BRIP1: variants seen among roughly 807,000 people sequenced by gnomAD.
BRIP1 encodes BRCA1 interacting DNA helicase 1.
BRIP1 carries 88 observed loss-of-function variants against 119.7 expected under a neutral mutation model. The ratio of observed to expected loss-of-function variants is 0.74; its 90% CI spans 0.62 to 0.88. The LOEUF (loss-of-function observed/expected upper bound fraction) is 0.88, where lower values mean the gene tolerates loss of function less well. Ranked by LOEUF, BRIP1 falls within the 40% of genes least tolerant of loss-of-function variation. BRIP1 has a pLI of 0.00. For synonymous variants in BRIP1, 443 were observed against 496.5 expected, an observed-to-expected ratio of 0.89 and a Z score of 1.43; for missense variants, 1,259 against 1,455.4, an observed-to-expected ratio of 0.87 and a Z score of 2.20.
At chr17:61,750,846 C>A (rs540072929) in intron 14 of BRIP1, among the ~76,000 whole-genome samples, 19 of 152,228 alleles carry the variant, frequency 1.2e-4, no homozygotes, top group Admixed American at 5.9e-4. Flanking sequence ...GTTGCAAGGA[C>A]ACGCAGAAAC....
At chr17:61,854,392 T>A (rs2145805435) in intron 4 of BRIP1, among the ~76,000 whole-genome samples, 1 of 152,144 alleles carries the variant, frequency 6.6e-6, no homozygotes, top group East Asian at 1.9e-4. Flanking sequence ...TATGACCACT[T>A]CATGAAACAG....
rs911825119 is a variant in BRIP1, at chr17:61,770,010, A to G, written c.2097+6391T>C. On this transcript the variant is annotated intron_variant, in intron 14 of 19. Transcript: ENST00000259008. The surrounding 1 kb of genome is among the most constrained non-coding windows in gnomAD (Gnocchi z 4.7). ...CCTACTGTTTCGGGCAGGAGGAGGG[A>G]AAAAAACAACCATTTTGAAATACGT... Among the ~76,000 whole-genome samples, 1 of 152,148 alleles carries G rather than the reference A, an allele frequency of 6.6e-6. No homozygotes were observed. The highest frequency in any genetic ancestry group is 1.5e-5 in the Non-Finnish European group (1 of 68,024).
chr17:61,839,089 G>A (rs1217947484), intron 6 of BRIP1, among the ~76,000 whole-genome samples: 1 of 151,908 alleles, frequency 6.6e-6, no homozygotes, highest in Non-Finnish European at 1.5e-5. Context: ...ACTCCCCTAT[G>A]ACACCCAAAA....
In BRIP1 at chr17:61,842,641, G is replaced by A. The variant is rs1032415189; in HGVS notation, c.627+4460C>T. ...TACAAATATGTAATATTATTAGTCG[G>A]TATTATATAGAATCTTTTATCAGCA... On this transcript the variant is annotated intron_variant, in intron 6 of 19. Coordinates refer to ENST00000259008, the MANE Select transcript of BRIP1 (RefSeq NM_032043.3). The surrounding 1 kb of genome is among the most constrained non-coding windows in gnomAD (Gnocchi z 5.1). 6.6e-6 allele frequency among the ~76,000 whole-genome samples: 1 copy of A among 152,066 alleles called. No homozygotes were observed. The highest frequency in any genetic ancestry group is 1.5e-5 in the Non-Finnish European group (1 of 68,026).
In BRIP1 at chr17:61,770,328, G is replaced by A. The variant is rs190751281; in HGVS notation, c.2097+6073C>T. ...CAGAGGATTACAACAGAGAGAGACA[G>A]CTGCAAGGCTCAGATTCTATTTAAG... On this transcript the variant is annotated intron_variant, in intron 14 of 19. Transcript: ENST00000259008. The surrounding 1 kb of genome is among the most constrained non-coding windows in gnomAD (Gnocchi z 4.7). 9.8e-4 allele frequency among the ~76,000 whole-genome samples: 149 copies of A among 152,296 alleles called. No homozygotes were observed. Among genetic ancestry groups the A allele is most frequent in the Non-Finnish European group, 1.6e-3 (108 of 68,028 alleles).
At position 61,808,825 on chromosome 17, in the gene BRIP1, T is replaced by C. The variant is rs2145425849; in HGVS notation, c.628-68A>G. 19 of 1,467,440 alleles carry C rather than the reference T, an allele frequency of 1.3e-5. No individual in the cohort carries two copies. Among genetic ancestry groups the C allele is most frequent in the Non-Finnish European group, 1.8e-5 (19 of 1,062,392 alleles). The allele number at this position is 1,467,440 out of a possible 1,614,324, so 90.9% of individuals were successfully genotyped here. A position where few individuals can be genotyped will look rare whatever the true frequency, so the allele number is the denominator to read the frequency against. On this transcript the variant is annotated intron_variant, in intron 6 of 19. Coordinates refer to ENST00000259008, the MANE Select transcript of BRIP1 (RefSeq NM_032043.3). This position sits in a 1 kb window ranked among gnomAD's most constrained non-coding sequence, Gnocchi z 4.1. ...ATAAAAAACGTTATCAAACCTCACA[T>C]GGAATCAGAACCTGTAAGTAATGAA...
At chr17:61,821,894 A>G (rs1448995256) in intron 6 of BRIP1, among the ~76,000 whole-genome samples, 1 of 152,084 alleles carries the variant, frequency 6.6e-6, no homozygotes, top group African/African-American at 2.4e-5. Context: ...TCAGGCCACC[A>G]TTTCATTCTC....
Position 61,796,703 on chromosome 17 carries a change from T to C in BRIP1, c.1340+2397A>G, listed in dbSNP as rs1030406266. On this transcript the variant is annotated intron_variant, in intron 9 of 19. Transcript: ENST00000259008. This position sits in a 1 kb window ranked among gnomAD's most constrained non-coding sequence, Gnocchi z 4.8. ...TAAAAGACAGACTATCTATTTTACATGTTTAAAAAATGATTCTAGCTACCA... is the reference window on the plus strand; with the variant it reads ...TAAAAGACAGACTATCTATTTTACACGTTTAAAAAATGATTCTAGCTACCA... Among the ~76,000 whole-genome samples the C allele has an allele frequency of 1.3e-5, 2 of 151,418 alleles. No homozygotes were observed. The highest frequency in any genetic ancestry group is 1.3e-4 in the Admixed American group (2 of 15,128).
Position 61,759,522 on chromosome 17 carries a change from CA to C in BRIP1, c.2098-14932del, listed in dbSNP as rs2077247077. On this transcript the variant is annotated intron_variant, in intron 14 of 19. Coordinates refer to ENST00000259008, the MANE Select transcript of BRIP1 (RefSeq NM_032043.3). The surrounding 1 kb of genome is among the most constrained non-coding windows in gnomAD (Gnocchi z 4.9). ...TTCAACAATGAACAAATCATCCAGACAGAAAATATATTTAAAAACATTGGAC... is the reference window on the plus strand; with the variant it reads ...TTCAACAATGAACAAATCATCCAGACGAAAATATATTTAAAAACATTGGAC... 6.6e-6 allele frequency among the ~76,000 whole-genome samples: 1 copy of C among 151,974 alleles called. No homozygotes were observed. Among genetic ancestry groups the C allele is most frequent in the South Asian group, 2.1e-4 (1 of 4,824 alleles).
chr17:61,774,671 C>T lies in BRIP1; in HGVS notation c.2097+1730G>A, dbSNP rs1043639977. ...CAAAAACCTGCAGAACAATTAATTT[C>T]GCAATCAAAGAAATAAACTCAATTG... is the stretch of plus-strand genomic sequence containing the variant. On this transcript the variant is annotated intron_variant, in intron 14 of 19. Coordinates refer to ENST00000259008, the MANE Select transcript of BRIP1 (RefSeq NM_032043.3). This position sits in a 1 kb window ranked among gnomAD's most constrained non-coding sequence, Gnocchi z 5.8. Among the ~76,000 whole-genome samples the T allele has an allele frequency of 1.3e-5, 2 of 152,066 alleles. No individual in the cohort carries two copies. Among genetic ancestry groups the T allele is most frequent in the Admixed American group, 1.3e-4 (2 of 15,270 alleles).
At position 61,695,987 on chromosome 17, in the gene BRIP1, A is replaced by G. The variant is rs960412868; in HGVS notation, c.2493-2475T>C. 2.0e-5 allele frequency among the ~76,000 whole-genome samples: 3 copies of G among 152,146 alleles called. No homozygotes were observed. On this transcript the variant is annotated intron_variant, in intron 17 of 19. Transcript: ENST00000259008. This position sits in a 1 kb window ranked among gnomAD's most constrained non-coding sequence, Gnocchi z 4.3. ...CTTCTTGTCTCACTGCCCTGGTTAG[A>G]ACCTCCAATACAATATTGAATAGAA... is the stretch of plus-strand genomic sequence containing the variant.
At chr17:61,714,795 T>C (rs1354582430) in intron 17 of BRIP1, among the ~76,000 whole-genome samples, 1 of 144,982 alleles carries the variant, frequency 6.9e-6, no homozygotes, top group African/African-American at 2.7e-5. Context: ...TTCAATGATT[T>C]GCTAATTTTT....
chr17:61,856,999 C>A lies in BRIP1; in HGVS notation c.379+59G>T. ...AACTTATATAAATTAGGGCTTATAA[C>A]AGTAATAATTAAGACTCTTATTACA... On this transcript the variant is annotated intron_variant, in intron 4 of 19. Transcript: ENST00000259008. The surrounding 1 kb of genome is among the most constrained non-coding windows in gnomAD (Gnocchi z 5.1). 2.7e-6 allele frequency: 4 copies of A among 1,493,830 alleles called. No individual in the cohort carries two copies. The South Asian group carries it at 3.4e-5, about 13-fold the overall frequency. 92.5% of individuals were successfully genotyped at this position (1,493,830 alleles called of 1,614,324 possible).
chr17:61,771,018 T>C (rs2077440176), intron 14 of BRIP1, among the ~76,000 whole-genome samples: 1 of 152,242 alleles, frequency 6.6e-6, no homozygotes, highest in Admixed American at 6.5e-5. Flanking sequence ...TCCAACTATA[T>C]GCTGTCTATA....
intron 10 of BRIP1, among the ~76,000 whole-genome samples, chr17:61,791,742 T>C (rs1408602148): frequency 6.6e-6 from 1 of 152,026 alleles, no homozygotes; most frequent in South Asian, 2.1e-4. Context: ...GAGCCTCCAT[T>C]AGCCCACAAT....
In BRIP1 at chr17:61,687,288, C is replaced by T. The variant is rs1263108495; in HGVS notation, c.2576-1123G>A. Among the ~76,000 whole-genome samples the T allele has an allele frequency of 2.6e-5, 4 of 152,060 alleles. No homozygotes were observed. The highest frequency in any genetic ancestry group is 4.4e-5 in the Non-Finnish European group (3 of 68,002). On this transcript the variant is annotated intron_variant, in intron 18 of 19. Transcript: ENST00000259008. This position sits in a 1 kb window ranked among gnomAD's most constrained non-coding sequence, Gnocchi z 5.1. Reference sequence around the variant, plus strand: ...ATAAGAATTTTAGTACTATATTTACCTCTTCATTTCAACCTTTTTATAATC... The same window carrying T: ...ATAAGAATTTTAGTACTATATTTACTTCTTCATTTCAACCTTTTTATAATC...
In BRIP1 at chr17:61,726,145, G is replaced by C. The variant is rs1468280594; in HGVS notation, c.2380-10082C>G. Among the ~76,000 whole-genome samples, 1 of 152,154 alleles carries C rather than the reference G, an allele frequency of 6.6e-6. No homozygotes were observed. The highest frequency in any genetic ancestry group is 1.5e-5 in the Non-Finnish European group (1 of 68,012). ...TTGAGACTTAGGTTGTTTGACCTTG[G>C]ACAAGTCACAGTAGCCCTTTATAAT... is the stretch of plus-strand genomic sequence containing the variant. On this transcript the variant is annotated intron_variant, in intron 16 of 19. Transcript: ENST00000259008. This position sits in a 1 kb window ranked among gnomAD's most constrained non-coding sequence, Gnocchi z 6.2.
intron 16 of BRIP1, among the ~76,000 whole-genome samples, chr17:61,718,318 T>A (rs992997420): frequency 6.6e-6 from 1 of 152,206 alleles, no homozygotes; most frequent in Non-Finnish European, 1.5e-5. Flanking sequence ...CAGCCTTTAG[T>A]CTAGGGCTAA....
In BRIP1 at chr17:61,776,334, T is replaced by A. The variant is rs2077531518; in HGVS notation, c.2097+67A>T. The A allele has an allele frequency of 6.3e-7, 1 of 1,580,978 alleles. No homozygotes were observed. The highest frequency in any genetic ancestry group is 8.7e-7 in the Non-Finnish European group (1 of 1,150,866). Reference sequence around the variant, plus strand: ...AAGCTTACTGTGGTAATTTTAAAATTAGCATGCCAATGTTTAAAATGTAAA... The same window carrying A: ...AAGCTTACTGTGGTAATTTTAAAATAAGCATGCCAATGTTTAAAATGTAAA... On this transcript the variant is annotated intron_variant, in intron 14 of 19. Transcript: ENST00000259008. The surrounding 1 kb of genome is among the most constrained non-coding windows in gnomAD (Gnocchi z 5.0).
Sources: allele counts gnomAD v4.1 joint callset (sites outside exome capture counted in the v4.1 genomes callset), GRCh38; gene constraint gnomAD v4.1.1; non-coding constraint Gnocchi (gnomAD v3.1); transcripts MANE v1.5; gene names NCBI Gene and HGNC (gene_info 2026-07-23, HGNC 2026-07-21).